ETV6: variants seen among roughly 807,000 people sequenced by gnomAD.
The protein encoded by ETV6 is transcription factor ETV6.
A neutral mutation model predicts 51.1 loss-of-function variants in ETV6; 16 were observed. That is an observed-to-expected ratio of 0.31 (90% CI 0.21 to 0.48). The LOEUF (loss-of-function observed/expected upper bound fraction) is 0.48, where lower values mean the gene tolerates loss of function less well. Among genes scored for constraint, ETV6 ranks in the 20% least tolerant of loss-of-function variants. ETV6 has a pLI of 0.99. For synonymous variants in ETV6, 240 were observed against 224.1 expected (o/e 1.07, Z -0.64); for missense variants, 458 against 594.8 (o/e 0.77, Z 2.39).
chr12:11,839,114 T>A lies in ETV6; in HGVS notation c.164-26T>A, dbSNP rs150030040. The A allele has an allele frequency of 5.4e-5, 87 of 1,602,176 alleles. No homozygotes were observed. In the South Asian group the frequency reaches 5.8e-4, roughly 11 times the overall value. ...AACTGACAAGACCTTTCTCTCTTTC[T>A]TTCTGCCTCATGCTCTCTCCAACAG... On this transcript the variant is annotated intron_variant, in intron 2 of 7. Transcript: ENST00000396373.
At position 11,869,629 on chromosome 12, in the gene ETV6, G is replaced by A. The variant is rs746757399; in HGVS notation, c.669G>A (p.Pro223=). 6.2e-6 allele frequency: 10 copies of A among 1,614,054 alleles called. No individual in the cohort carries two copies. Among genetic ancestry groups the A allele is most frequent in the Admixed American group, 1.7e-5 (1 of 60,002 alleles). Residue 223 remains proline (P), a synonymous_variant, in exon 5 of 8, where the codon CCG becomes CCA. Transcript: ENST00000396373. This position sits in a 1 kb window ranked among gnomAD's most constrained non-coding sequence, Gnocchi z 5.0. ...SPAERAQGPR[P]HQENNHQESY... ...CTGAGAGAGCTCAGGGACCCAGGCC[G>A]CACCAGGAGAACAACCACCAGGAGT...
chr12:11,792,906 A>C (rs1301839066), intron 2 of ETV6, among the ~76,000 whole-genome samples: 1 of 152,162 alleles, frequency 6.6e-6, no homozygotes, highest in Non-Finnish European at 1.5e-5. Flanking sequence ...ATTAATAGCA[A>C]CTTCTTGTTT....
chr12:11,823,972 G>C (rs1267783242), intron 2 of ETV6, among the ~76,000 whole-genome samples: 1 of 152,122 alleles, frequency 6.6e-6, no homozygotes, highest in Non-Finnish European at 1.5e-5. Context: ...CTTTGGTGGG[G>C]CCAGAGACCC....
At chr12:11,838,425 C>A (rs958970961) in intron 2 of ETV6, among the ~76,000 whole-genome samples, 3 of 152,190 alleles carry the variant, frequency 2.0e-5, no homozygotes, top group Non-Finnish European at 2.9e-5. Context: ...TCTGTACCCC[C>A]CTCCTGCCCA....
At chr12:11,859,287 A>G (rs577600655) in intron 4 of ETV6, among the ~76,000 whole-genome samples, 1 of 151,626 alleles carries the variant, frequency 6.6e-6, no homozygotes, top group Non-Finnish European at 1.5e-5. Flanking sequence ...GACTACAGGC[A>G]TCCGCCACCA....
chr12:11,682,363 T>G (rs1864547681), intron 1 of ETV6, among the ~76,000 whole-genome samples: 1 of 152,242 alleles, frequency 6.6e-6, no homozygotes, highest in Admixed American at 6.5e-5. Context: ...CATAAATGTC[T>G]TCTTTTGAGA....
chr12:11,861,942 C>T (rs913299083), intron 4 of ETV6, among the ~76,000 whole-genome samples: 16 of 152,248 alleles, frequency 1.1e-4, no homozygotes, highest in African/African-American at 3.6e-4. Context: ...AAAGGAGACT[C>T]CCCTATACTG....
At chr12:11,701,277 C>G (rs2120838337) in intron 1 of ETV6, among the ~76,000 whole-genome samples, 1 of 152,312 alleles carries the variant, frequency 6.6e-6, no homozygotes, top group Middle Eastern at 3.4e-3. Flanking sequence ...CCAGCAAACG[C>G]TGGCATGCCC....
intron 2 of ETV6, among the ~76,000 whole-genome samples, chr12:11,764,677 C>T (rs535714869): frequency 1.2e-3 from 185 of 152,166 alleles, no homozygotes; most frequent in Non-Finnish European, 1.8e-3. Flanking sequence ...AAATCTTGAC[C>T]CTTGGGGAAG....
chr12:11,660,714 G>A (rs1458476483), intron 1 of ETV6, among the ~76,000 whole-genome samples: 1 of 151,954 alleles, frequency 6.6e-6, no homozygotes, highest in Non-Finnish European at 1.5e-5. Flanking sequence ...GTTTATTGCT[G>A]GTTGTTATTT....
At chr12:11,706,253 A>T (rs1052101382) in intron 1 of ETV6, among the ~76,000 whole-genome samples, 2 of 152,218 alleles carry the variant, frequency 1.3e-5, no homozygotes, top group African/African-American at 4.8e-5. Flanking sequence ...TTTTATCCTG[A>T]TAATAACCGT....
At chr12:11,784,781 C>T (rs925381955) in intron 2 of ETV6, among the ~76,000 whole-genome samples, 38 of 151,406 alleles carry the variant, frequency 2.5e-4, no homozygotes, top group Non-Finnish European at 4.4e-4. Flanking sequence ...TCACTGCAGC[C>T]GCAAACTCTT....
At chr12:11,651,081 G>A (rs1272229643) in intron 1 of ETV6, among the ~76,000 whole-genome samples, 1 of 152,204 alleles carries the variant, frequency 6.6e-6, no homozygotes, top group Non-Finnish European at 1.5e-5. Context: ...TGGGAGGCAG[G>A]ATGATTTATC....
intron 3 of ETV6, among the ~76,000 whole-genome samples, chr12:11,844,214 C>T (rs1946429059): frequency 6.6e-6 from 1 of 152,000 alleles, no homozygotes; most frequent in African/African-American, 2.4e-5. Flanking sequence ...TTATTTTCTC[C>T]GAACAAGGAA....
At chr12:11,828,731 C>T (rs1039739599) in intron 2 of ETV6, among the ~76,000 whole-genome samples, 4 of 152,124 alleles carry the variant, frequency 2.6e-5, no homozygotes, top group Non-Finnish European at 4.4e-5. Context: ...TTCTTCCTAA[C>T]GCTGAGAAGT....
At chr12:11,687,718 C>G (rs557253394) in intron 1 of ETV6, among the ~76,000 whole-genome samples, 1 of 152,020 alleles carries the variant, frequency 6.6e-6, no homozygotes, top group Non-Finnish European at 1.5e-5. Context: ...AAGAAAAGCA[C>G]ATAAGCTGTA....
At chr12:11,863,132 C>G (rs1362530420) in intron 4 of ETV6, among the ~76,000 whole-genome samples, 1 of 152,102 alleles carries the variant, frequency 6.6e-6, no homozygotes, top group Non-Finnish European at 1.5e-5. Flanking sequence ...CCTTTGCTCT[C>G]CCTGGAAACT....
chr12:11,652,788 G>A (rs1246026135), intron 1 of ETV6, among the ~76,000 whole-genome samples: 1 of 152,204 alleles, frequency 6.6e-6, no homozygotes. Context: ...CAAGGTGAAA[G>A]TTTCTGAATT....
chr12:11,829,235 A>G (rs550195332), intron 2 of ETV6, among the ~76,000 whole-genome samples: 8 of 152,224 alleles, frequency 5.3e-5, no homozygotes, highest in Admixed American at 1.3e-4. Context: ...ACAAAGTACA[A>G]CTCATCTACT....
Sources: allele counts gnomAD v4.1 joint callset (sites outside exome capture counted in the v4.1 genomes callset), GRCh38; gene constraint gnomAD v4.1.1; non-coding constraint Gnocchi (gnomAD v3.1); transcripts MANE v1.5; gene names NCBI Gene and HGNC (gene_info 2026-07-23, HGNC 2026-07-21).